L3MBTL3: variants seen among roughly 807,000 people sequenced by gnomAD.
L3MBTL3 encodes the protein L3MBTL histone methyl-lysine binding protein 3.
In L3MBTL3, 27 loss-of-function variants were observed where a neutral mutation model predicts 102.3. The observed-to-expected ratio is 0.26, with a 90% CI of 0.19 to 0.36. The LOEUF is 0.36. L3MBTL3 is among the 10% of genes least tolerant of loss of function. The pLI, the probability that L3MBTL3 is intolerant of heterozygous loss-of-function variation, is 1.00. For missense variants in L3MBTL3, 798 were observed against 955.3 expected (o/e 0.84, Z 2.17); for synonymous variants, 340 against 320.9 (o/e 1.06, Z -0.64).
intron 10 of L3MBTL3, among the ~76,000 whole-genome samples, chr6:130,065,630 TC>T (rs1782197260): frequency 6.6e-6 from 1 of 152,190 alleles, no homozygotes; most frequent in African/African-American, 2.4e-5. Flanking sequence ...GATACGTGTT[TC>T]TACTTGAACA....
At chr6:130,050,173 C>T (rs925262998) in intron 5 of L3MBTL3, among the ~76,000 whole-genome samples, 1 of 152,202 alleles carries the variant, frequency 6.6e-6, no homozygotes, top group African/African-American at 2.4e-5. Context: ...TGGTCCTGCA[C>T]CTTGAAGCCA....
intron 14 of L3MBTL3, among the ~76,000 whole-genome samples, chr6:130,080,439 A>T (rs1783258932): frequency 6.6e-6 from 1 of 152,086 alleles, no homozygotes; most frequent in African/African-American, 2.4e-5. Context: ...TGCTGTGAGG[A>T]TCCTTTTAGA....
chr6:130,121,458 C>T (rs1043852353), intron 20 of L3MBTL3, among the ~76,000 whole-genome samples: 16 of 152,026 alleles, frequency 1.1e-4, no homozygotes, highest in African/African-American at 3.9e-4. Flanking sequence ...TTAACTTATT[C>T]TTTTTTGCAG....
In L3MBTL3 at chr6:130,031,664, A is replaced by G. The variant is rs531590172; in HGVS notation, c.-16+9359A>G. 2.2e-4 allele frequency among the ~76,000 whole-genome samples: 34 copies of G among 152,290 alleles called. 2 individuals carry two copies. Among genetic ancestry groups the G allele is most frequent in the East Asian group, 1.5e-3 (8 of 5,170 alleles). On this transcript the variant is annotated intron_variant, in intron 2 of 22. Coordinates refer to ENST00000361794, the MANE Select transcript of L3MBTL3 (RefSeq NM_032438.4). ...AATCAGACCAGCATCGTGACCATTC[A>G]TTAGGCTCCTCCAAGGACAGGGTAT...
chr6:130,044,291 T>G (rs1344243169), intron 3 of L3MBTL3, among the ~76,000 whole-genome samples: 1 of 152,200 alleles, frequency 6.6e-6, no homozygotes, highest in Non-Finnish European at 1.5e-5. Flanking sequence ...CTTAACAAAT[T>G]GTATTTTTTC....
At chr6:130,088,801 G>T (rs1215339379) in intron 16 of L3MBTL3, among the ~76,000 whole-genome samples, 2 of 151,970 alleles carry the variant, frequency 1.3e-5, no homozygotes, top group Non-Finnish European at 1.5e-5. Context: ...TTTAAATATG[G>T]TTTATTTTCT....
chr6:130,083,591 C>T, intron 14 of L3MBTL3, 29 bp from the exon 15 acceptor site: 2 of 1,091,620 alleles, frequency 1.8e-6, no homozygotes, highest in East Asian at 2.7e-5. Flanking sequence ...TTGGTTAAAC[C>T]TCATAGGATT....
At chr6:130,118,331 A>C (rs956830253) in intron 19 of L3MBTL3, among the ~76,000 whole-genome samples, 1 of 152,178 alleles carries the variant, frequency 6.6e-6, no homozygotes, top group Non-Finnish European at 1.5e-5. Context: ...TGGGGCATGT[A>C]AAAAGCTCAG....
At chr6:130,068,168 A>G (rs573078007) in intron 11 of L3MBTL3, among the ~76,000 whole-genome samples, 162 bp from the exon 12 acceptor site, 10 of 152,344 alleles carry the variant, frequency 6.6e-5, no homozygotes, top group South Asian at 2.1e-4. Context: ...TTGAAAATAA[A>G]CATAGTCTAA....
chr6:130,079,123 T>A (rs1783149045), intron 14 of L3MBTL3, among the ~76,000 whole-genome samples: 1 of 152,190 alleles, frequency 6.6e-6, no homozygotes, highest in African/African-American at 2.4e-5. Context: ...GTGTGTGGAT[T>A]GGAGACCAGA....
intron 13 of L3MBTL3, among the ~76,000 whole-genome samples, chr6:130,075,658 G>A (rs1782905099): frequency 6.6e-6 from 1 of 152,142 alleles, no homozygotes. Context: ...AGAGGAAGTT[G>A]ACTTCTAAGG....
Position 130,055,498 on chromosome 6 carries a change from CCCTCTCTCCCTG to C in L3MBTL3, c.667+267_667+278del, listed in dbSNP as rs1216376872. Among the ~76,000 whole-genome samples, 156 of 143,266 alleles carry C rather than the reference CCCTCTCTCCCTG, an allele frequency of 1.1e-3. 1 individual carries two copies. The highest frequency in any genetic ancestry group is 3.9e-3 in the Middle Eastern group (1 of 258). 94.0% of individuals were successfully genotyped at this position (143,266 alleles called of 152,430 possible). On this transcript the variant is annotated intron_variant, in intron 8 of 22. Transcript: ENST00000361794. ...TCCCTCTCTCCCTCCCTCTCTCCCT[CCCTCTCTCCCTG>C]CCTCTCTCCCTGCCTCTCTCCCTCT... is the stretch of plus-strand genomic sequence containing the variant.
intron 22 of L3MBTL3, among the ~76,000 whole-genome samples, chr6:130,137,193 G>A (rs2061435451): frequency 1.3e-5 from 2 of 152,174 alleles, no homozygotes; most frequent in African/African-American, 4.8e-5. Context: ...TTCGAGTTAA[G>A]GCATTGGAAA....
intron 2 of L3MBTL3, among the ~76,000 whole-genome samples, chr6:130,039,060 G>A (rs1780244219): frequency 6.6e-6 from 1 of 151,948 alleles, no homozygotes; most frequent in Non-Finnish European, 1.5e-5. Flanking sequence ...TAAGGAGACT[G>A]CACTTTTAAA....
At chr6:130,101,666 G>C (rs532846084) in intron 18 of L3MBTL3, among the ~76,000 whole-genome samples, 24 of 152,212 alleles carry the variant, frequency 1.6e-4, no homozygotes, top group African/African-American at 5.8e-4. Context: ...ATGCCCAGCA[G>C]CCTCCTCCTG....
chr6:130,067,150 G>T (rs144983957), intron 11 of L3MBTL3, among the ~76,000 whole-genome samples: 50 of 152,074 alleles, frequency 3.3e-4, no homozygotes, highest in African/African-American at 1.1e-3. Context: ...GTCTTGCTGT[G>T]TCGCCCAGGT....
intron 19 of L3MBTL3, among the ~76,000 whole-genome samples, chr6:130,109,151 G>A (rs931215986): frequency 6.6e-6 from 1 of 152,130 alleles, no homozygotes; most frequent in African/African-American, 2.4e-5. Context: ...ATTGTAAATA[G>A]TGCTGCAGTA....
chr6:130,083,712 T>A lies in L3MBTL3; in HGVS notation c.1407+7T>A. ...TGCAAGAGCTTTCAAAGTGGTAAGATGATACATTTTATTAATTTGCGTGGA... is the reference window on the plus strand; with the variant it reads ...TGCAAGAGCTTTCAAAGTGGTAAGAAGATACATTTTATTAATTTGCGTGGA... On this transcript the variant is annotated splice_region_variant and intron_variant, in intron 15 of 22. Coordinates refer to ENST00000361794, the MANE Select transcript of L3MBTL3 (RefSeq NM_032438.4). 1.4e-6 allele frequency: 2 copies of A among 1,443,126 alleles called. No homozygotes were observed. Among genetic ancestry groups the A allele is most frequent in the Non-Finnish European group, 1.9e-6 (2 of 1,044,454 alleles). The allele number at this position is 1,443,126 out of a possible 1,614,324, so 89.4% of individuals were successfully genotyped here.
At chr6:130,062,819 C>T (rs1781987222) in intron 10 of L3MBTL3, among the ~76,000 whole-genome samples, 1 of 150,406 alleles carries the variant, frequency 6.6e-6, no homozygotes, top group Non-Finnish European at 1.5e-5. Flanking sequence ...AAAAAAAGGT[C>T]CAGTGAGCAT....
Sources: allele counts gnomAD v4.1 joint callset (sites outside exome capture counted in the v4.1 genomes callset), GRCh38; gene constraint gnomAD v4.1.1; transcripts MANE v1.5; gene names NCBI Gene and HGNC (gene_info 2026-07-23, HGNC 2026-07-21).